The following THRA variants were observed in gnomAD, a reference collection of about 807,000 sequenced individuals.
THRA encodes the protein thyroid hormone receptor alpha.
A neutral mutation model predicts 45.0 loss-of-function variants in THRA; 13 were observed. The ratio of observed to expected loss-of-function variants is 0.29; its 90% CI spans 0.19 to 0.46. The LOEUF is 0.46. Ranked by LOEUF, THRA falls within the 20% of genes least tolerant of loss-of-function variation. The pLI is 1.00. For synonymous variants in THRA, 195 were observed against 214.0 expected (o/e 0.91, Z 0.78); for missense variants, 278 against 556.1 (o/e 0.50, Z 5.03).
At position 40,083,964 on chromosome 17, in the gene THRA, G is replaced by A. The variant is rs767822096; in HGVS notation, c.352G>A (p.Val118Met). The change falls in exon 5 of 9, where the codon GTG becomes ATG. Residue 118 changes from valine (V) to methionine (M), a missense_variant. This residue lies in a region of THRA where 111 missense variants were observed against 167.1 expected (regional missense o/e 0.66). Transcript: ENST00000450525. ...GTGCCGCTTCAAGAAGTGCATCGCCGTGGGCATGGCCATGGACTGTAAGGG... is the reference window on the plus strand; with the variant it reads ...GTGCCGCTTCAAGAAGTGCATCGCCATGGGCATGGCCATGGACTGTAAGGG... Reference protein sequence around the residue: ...QLCRFKKCIAVGMAMDLVLDD... With the variant: ...QLCRFKKCIAMGMAMDLVLDD... 1.1e-5 allele frequency: 17 copies of A among 1,613,334 alleles called. No individual in the cohort carries two copies. Among genetic ancestry groups the A allele is most frequent in the East Asian group, 6.7e-5 (3 of 44,840 alleles).
At chr17:40,084,572 G>T (rs776472561) in intron 5 of THRA, 38 bp from the exon 6 acceptor site, 1 of 1,602,258 alleles carries the variant, frequency 6.2e-7, no homozygotes, top group Non-Finnish European at 8.5e-7. Context: ...GGGGATGGAG[G>T]GTGCCATGCG....
At chr17:40,086,270 C>G (rs900428408) in intron 6 of THRA, among the ~76,000 whole-genome samples, 8 of 152,182 alleles carry the variant, frequency 5.3e-5, no homozygotes, top group African/African-American at 1.9e-4. Flanking sequence ...GTGTAACAGT[C>G]ACGAGTCAGA....
At chr17:40,076,146 G>T (rs911125416) in intron 2 of THRA, among the ~76,000 whole-genome samples, 1 of 152,314 alleles carries the variant, frequency 6.6e-6, no homozygotes, top group Non-Finnish European at 1.5e-5. Context: ...GCTCAGTCCC[G>T]GCTCTGACTC....
At chr17:40,077,481 C>A (rs1020353839) in intron 3 of THRA, 27 bp from the exon 4 acceptor site, 40 of 1,602,494 alleles carry the variant, frequency 2.5e-5, no homozygotes, top group Non-Finnish European at 3.2e-5. Flanking sequence ...CCATGCCTGC[C>A]TTCCTCCATC....
chr17:40,062,847 C>A (rs1222812843), upstream of THRA: 8 of 145,000 alleles, frequency 5.5e-5, no homozygotes, highest in African/African-American at 1.5e-4. Context: ...GCCGGCCGGG[C>A]GCGCCGAGCC....
In THRA at chr17:40,084,747, A is replaced by G. The variant is rs118191745; in HGVS notation, c.508A>G (p.Ile170Val). 477 of 1,614,090 alleles carry G rather than the reference A, an allele frequency of 3.0e-4. 2 individuals carry two copies. In the East Asian group the frequency reaches 8.4e-3, roughly 28 times the overall value. Residue 170 changes from isoleucine to valine, a missense_variant, in exon 6 of 9, where the codon ATT becomes GTT. Physicochemically the swap from Ile to Val is conservative, Grantham distance 29. Around this residue, in one of 6 missense-constraint regions of THRA, gnomAD observed 111 missense variants for 167.1 expected, o/e 0.66. Coordinates refer to ENST00000450525, the MANE Select transcript of THRA (RefSeq NM_199334.5). ...PTPEEWDLIH[I>V]ATEAHRSTNA... ...TCCTGAAGAGTGGGATCTGATCCACATTGCCACAGAGGCCCATCGCAGCAC... is the reference window on the plus strand; with the variant it reads ...TCCTGAAGAGTGGGATCTGATCCACGTTGCCACAGAGGCCCATCGCAGCAC...
Position 40,089,406 on chromosome 17 carries a change from G to A in THRA, c.1183G>A (p.Glu395Lys), listed in dbSNP as rs772978092. The A allele has an allele frequency of 2.5e-6, 4 of 1,614,012 alleles. No homozygotes were observed. Among genetic ancestry groups the A allele is most frequent in the Non-Finnish European group, 2.5e-6 (3 of 1,180,036 alleles). The change falls in exon 9 of 9, where the codon GAA becomes AAA. Residue 395 changes from glutamate (E) to lysine (K), a missense_variant. By Grantham distance (56) the Glu-to-Lys change is moderately conservative (BLOSUM62 1). Coordinates refer to ENST00000450525, the MANE Select transcript of THRA (RefSeq NM_199334.5). The surrounding 1 kb of genome is among the most constrained non-coding windows in gnomAD (Gnocchi z 6.1). ...FLHMKVECPT[E>K]LFPPLFLEVF... ...CCACATGAAAGTCGAGTGCCCCACC[G>A]AACTCTTCCCCCCACTCTTCCTCGA...
chr17:40,076,845 A>T (rs1261608014), intron 2 of THRA, 26 bp from the exon 3 acceptor site: 1 of 1,613,366 alleles, frequency 6.2e-7, no homozygotes, highest in Non-Finnish European at 8.5e-7. Flanking sequence ...CTGCTCTGTG[A>T]TTCTGCCCAC....
At chr17:40,065,328 C>T (rs1986515004) in intron 1 of THRA, among the ~76,000 whole-genome samples, 1 of 152,158 alleles carries the variant, frequency 6.6e-6, no homozygotes, top group Admixed American at 6.6e-5. Flanking sequence ...TTGAGTCTGG[C>T]CCTTTTTCCC....
At chr17:40,071,375 G>A (rs544439496) in intron 1 of THRA, among the ~76,000 whole-genome samples, 1 of 152,346 alleles carries the variant, frequency 6.6e-6, no homozygotes, top group South Asian at 2.1e-4. Flanking sequence ...CGGCTCGGCA[G>A]TGGGAACCTG....
Position 40,074,527 on chromosome 17 carries a change from C to G in THRA, c.39C>G (p.Asp13Glu). The change falls in exon 2 of 9, where the codon GAC (aspartate) becomes GAG (glutamate). Residue 13 changes from aspartate (D) to glutamate (E), a missense_variant. Physicochemically the swap from Asp to Glu is conservative, Grantham distance 45. Coordinates refer to ENST00000450525, the MANE Select transcript of THRA (RefSeq NM_199334.5). ...QKPSKVECGS[D>E]PEENSARSPD... is the part of the protein sequence containing the mutation. Reference sequence around the variant, plus strand: ...CAAGCAAGGTGGAGTGTGGGTCAGACCCAGAGGAGAACAGGTAATGGGTTC... The same window carrying G: ...CAAGCAAGGTGGAGTGTGGGTCAGAGCCAGAGGAGAACAGGTAATGGGTTC... 4 of 1,614,118 alleles carry G rather than the reference C, an allele frequency of 2.5e-6. No homozygotes were observed. The highest frequency in any genetic ancestry group is 1.1e-5 in the South Asian group (1 of 91,086).
At chr17:40,087,762 T>A (rs1987383912) in intron 7 of THRA, among the ~76,000 whole-genome samples, 1 of 152,022 alleles carries the variant, frequency 6.6e-6, no homozygotes, top group East Asian at 1.9e-4. Context: ...CAGGCATAAT[T>A]TTTTTTTCTT....
chr17:40,074,615 GGCAC>G lies in THRA; in HGVS notation c.53+75_53+78del, dbSNP rs1555543946. ...GGGCACCTGGCTGAGCTCTCCTTTA[GGCAC>G]CGCCTTTAAGCACCTCTGTGGGATG... On this transcript the variant is annotated intron_variant, in intron 2 of 8. Coordinates refer to ENST00000450525, the MANE Select transcript of THRA (RefSeq NM_199334.5). The G allele has an allele frequency of 7.8e-6, 12 of 1,541,810 alleles. No individual in the cohort carries two copies. In the African/African-American group the frequency reaches 1.6e-4, roughly 21 times the overall value.
In THRA at chr17:40,074,343, C is replaced by A. The variant is rs2145055738; in HGVS notation, c.-146C>A. 6.0e-6 allele frequency: 5 copies of A among 839,056 alleles called. No individual in the cohort carries two copies. The East Asian group carries it at 1.3e-4, about 22-fold the overall frequency. The allele number at this position is 839,056 out of a possible 1,614,324, so 52.0% of individuals were successfully genotyped here. A position where few individuals can be genotyped will look rare whatever the true frequency, so the allele number is the denominator to read the frequency against. On this transcript the variant is annotated 5_prime_UTR_variant, in exon 2 of 9. Transcript: ENST00000450525. ...GGGGCGCAGGGCATGGTGTGAAAGG[C>A]CAAGTGCTGAGGCGGGTATCATGGG...
intron 4 of THRA, among the ~76,000 whole-genome samples, chr17:40,078,727 C>CTTTTTTT (rs746350223): frequency 1.1e-4 from 11 of 102,626 alleles, no homozygotes; most frequent in South Asian, 3.8e-4. Flanking sequence ...CAGCCTTCAT[C>CTTTTTTT]TTTTTTTTTT....
intron 1 of THRA, 103 bp from the exon 2 acceptor site, chr17:40,074,089 C>T (rs1598390979): frequency 4.2e-6 from 1 of 238,712 alleles, no homozygotes; most frequent in African/African-American, 2.2e-5. Context: ...CCCCTGCTGT[C>T]TTGTTATGGG....
At chr17:40,077,645 G>T in intron 4 of THRA, 37 bp downstream of exon 4, 1 of 1,558,728 alleles carries the variant, frequency 6.4e-7, no homozygotes. Flanking sequence ...CCTGCCACCT[G>T]AGCCCCCATA....
intron 6 of THRA, 89 bp from the exon 7 acceptor site, chr17:40,086,618 G>A: frequency 6.5e-7 from 1 of 1,531,966 alleles, no homozygotes; most frequent in African/African-American, 1.4e-5. Context: ...TCCCCAAGCT[G>A]CCTTGGAGCT....
intron 1 of THRA, among the ~76,000 whole-genome samples, chr17:40,066,663 C>CAAAAAAAA (rs553082902): frequency 4.0e-5 from 2 of 49,516 alleles, no homozygotes; most frequent in African/African-American, 6.0e-5. Flanking sequence ...GACTCCGTCT[C>CAAAAAAAA]AAAAAAAAAA....
Sources: allele counts gnomAD v4.1 joint callset (sites outside exome capture counted in the v4.1 genomes callset), GRCh38; gene constraint gnomAD v4.1.1; regional missense constraint gnomAD v4.1.1; non-coding constraint Gnocchi (gnomAD v3.1); transcripts MANE v1.5; gene names NCBI Gene and HGNC (gene_info 2026-07-23, HGNC 2026-07-21).